Variants in BRCC3 observed in about 807,000 individuals in gnomAD.
BRCC3 encodes the protein lys-63-specific deubiquitinase BRCC36.
Under a neutral mutation model 28.0 loss-of-function variants are expected in BRCC3, and 15 were observed. That is an observed-to-expected ratio of 0.54 (90% CI 0.36 to 0.82). The LOEUF (loss-of-function observed/expected upper bound fraction) is 0.82. BRCC3 is among the 40% of genes least tolerant of loss of function. The probability of loss-of-function intolerance (pLI) is 0.01; values close to 1 mark genes in which losing one functional copy is unlikely to be tolerated. For synonymous variants in BRCC3, 66 were observed against 80.3 expected, an observed-to-expected ratio of 0.82 and a Z score of 0.95; for missense variants, 109 against 225.9, an observed-to-expected ratio of 0.48 and a Z score of 3.32.
At chrX:155,072,297 A>C (rs1472294840) in intron 1 of BRCC3, 30 bp from the exon 2 acceptor site, 2 of 1,180,094 alleles carry the variant, frequency 1.7e-6, no homozygotes, top group East Asian at 3.0e-5. Flanking sequence ...TAATGTGATC[A>C]ATAATGTTTT....
chrX:155,082,373 C>T (rs1431621486), intron 5 of BRCC3, among the ~76,000 whole-genome samples: 2 of 111,888 alleles, frequency 1.8e-5, no homozygotes, highest in African/African-American at 6.5e-5. Context: ...AGTTGGCCTT[C>T]GGTTGAGGTT....
At chrX:155,099,187 T>C (rs923187855) in intron 7 of BRCC3, 1 of 425,765 alleles carries the variant, frequency 2.3e-6, no homozygotes, top group African/African-American at 5.4e-5. Context: ...TTAGAAATGT[T>C]TTTTTTTTTT....
chrX:155,116,324 C>T (rs2074355762), intron 8 of BRCC3, 136 bp downstream of exon 8: 1 of 534,672 alleles, frequency 1.9e-6, no homozygotes, highest in Non-Finnish European at 2.9e-6. Flanking sequence ...CTAGCAGTCT[C>T]CAATCATAAT....
intron 5 of BRCC3, among the ~76,000 whole-genome samples, chrX:155,087,249 C>T (rs976773468): frequency 5.4e-5 from 6 of 111,578 alleles, no homozygotes; most frequent in African/African-American, 2.0e-4. Flanking sequence ...GGAGAAGCTT[C>T]GCCGGCGAGA....
In BRCC3 at chrX:155,116,749, G is replaced by C; in HGVS notation, c.719G>C (p.Gly240Ala). ...GACTCAGTAACCAAGATCCATAATG[G>C]CTCAGGTAAGAATTGTTTCTTGAGT... ...HLDSVTKIHN[G>A]SVFTKNLCSQ... is the part of the protein sequence containing the mutation. Residue 240 changes from glycine to alanine, a missense_variant, in exon 9 of 11, where the codon GGC becomes GCC. Physicochemically the swap from Gly to Ala is moderately conservative, Grantham distance 60 (BLOSUM62 0). Transcript: ENST00000330045. 1 of 1,164,001 alleles carries C rather than the reference G, an allele frequency of 8.6e-7. No individual in the cohort carries two copies. Among genetic ancestry groups the C allele is most frequent in the Non-Finnish European group, 1.2e-6 (1 of 861,106 alleles).
intron 3 of BRCC3, among the ~76,000 whole-genome samples, chrX:155,075,178 C>T (rs369315904): frequency 1.8e-5 from 2 of 112,113 alleles, no homozygotes; most frequent in African/African-American, 6.5e-5. Flanking sequence ...ATACTTGCTG[C>T]ATATCTGAAA....
Position 155,089,306 on chromosome X carries a change from T to C in BRCC3, c.447T>C (p.Phe149=). ...TGTACCAGATGATGGATCAAGGCTT[T>C]GTAGGACTTATTTTTTCCTGTTTCA... ...QAMYQMMDQG[F]VGLIFSCFIE... The change falls in exon 6 of 11, where the codon TTT becomes TTC. Residue 149 remains phenylalanine, a synonymous_variant. Coordinates refer to ENST00000330045, the MANE Select transcript of BRCC3 (RefSeq NM_001018055.3). The C allele has an allele frequency of 5.1e-6, 6 of 1,183,291 alleles. No individual in the cohort carries two copies. The highest frequency in any genetic ancestry group is 6.8e-6 in the Non-Finnish European group (6 of 879,129).
rs1491427215 is a variant in BRCC3, at chrX:155,089,364, CAT to C, written c.492+14_492+15del. ...TAAGAACACAAAGGTATTGTGTGTG[CAT>C]GTGTGTGTGTGTGTGTGTGTGTGTA... On this transcript the variant is annotated intron_variant, in intron 6 of 10. Transcript: ENST00000330045. 135 of 1,016,592 alleles carry C rather than the reference CAT, an allele frequency of 1.3e-4. No homozygotes were observed. Among genetic ancestry groups the C allele is most frequent in the South Asian group, 2.5e-4 (12 of 48,133 alleles). 83.8% of individuals were successfully genotyped at this position (1,016,592 alleles called of 1,213,427 possible). A position where few individuals can be genotyped will look rare whatever the true frequency, so the allele number is the denominator to read the frequency against.
At chrX:155,091,755 A>G (rs1452339725) in intron 7 of BRCC3, among the ~76,000 whole-genome samples, 1 of 110,682 alleles carries the variant, frequency 9.0e-6, no homozygotes, top group Non-Finnish European at 1.9e-5. Context: ...GATTAAATAA[A>G]TTATAATACA....
At chrX:155,086,421 G>C (rs1200078385) in intron 5 of BRCC3, among the ~76,000 whole-genome samples, 1 of 111,817 alleles carries the variant, frequency 8.9e-6, no homozygotes, top group Non-Finnish European at 1.9e-5. Context: ...CGCCCTCTCA[G>C]GTAACTGCAA....
intron 7 of BRCC3, among the ~76,000 whole-genome samples, chrX:155,107,640 G>A (rs902028553): frequency 9.0e-6 from 1 of 110,555 alleles, no homozygotes; most frequent in Non-Finnish European, 1.9e-5. Flanking sequence ...CATTCCTCCT[G>A]GAAACTTAAT....
chrX:155,075,288 T>TGGTTTTGCC lies in BRCC3; in HGVS notation c.195+1857_195+1858insGGTTTTGCC, dbSNP rs1557293364. The stretch of plus-strand genomic sequence containing the variant: ...ACATCTGATAATGCTAAGCCCACTC[T>TGGTTTTGCC]TTCCCCTGGCCCTTCTTGTTCTTCC... On this transcript the variant is annotated intron_variant, in intron 3 of 10. Transcript: ENST00000330045. Among the ~76,000 whole-genome samples the TGGTTTTGCC allele has an allele frequency of 2.5e-3, 274 of 110,661 alleles. 1 individual carries two copies. The highest frequency in any genetic ancestry group is 9.4e-3 in the Middle Eastern group (2 of 213).
Position 155,071,725 on chromosome X carries a change from T to C in BRCC3, c.123+75T>C. 6 of 1,112,012 alleles carry C rather than the reference T, an allele frequency of 5.4e-6. No homozygotes were observed. The South Asian group carries it at 1.2e-4, about 22-fold the overall frequency. The allele number at this position is 1,112,012 out of a possible 1,213,427, so 91.6% of individuals were successfully genotyped here. On this transcript the variant is annotated intron_variant, in intron 1 of 10. Transcript: ENST00000330045. The stretch of plus-strand genomic sequence containing the variant: ...TGTCCCCGGGGTGGGTGCCGGCAGC[T>C]CCCAGGGCTGCGGAGGCCACAGGCA...
rs782368362 is a variant in BRCC3, at chrX:155,075,415, T to C, written c.196-1755T>C. On this transcript the variant is annotated intron_variant, in intron 3 of 10. Transcript: ENST00000330045. ...CATAAATGCTTTATTGATTCCTGCA[T>C]TGATGCTGTTTGAGTCTAAGCTATA... 4.5e-5 allele frequency among the ~76,000 whole-genome samples: 5 copies of C among 111,911 alleles called. No individual in the cohort carries two copies. In the East Asian group the frequency reaches 1.1e-3, roughly 25 times the overall value.
chrX:155,107,608 C>T (rs1246541969), intron 7 of BRCC3, among the ~76,000 whole-genome samples: 2 of 111,332 alleles, frequency 1.8e-5, no homozygotes, highest in Non-Finnish European at 3.8e-5. Context: ...AATTCTCAAC[C>T]CCCAATACCA....
chrX:155,088,352 C>CTT lies in BRCC3; in HGVS notation c.404-894_404-893dup, dbSNP rs781981831. Among the ~76,000 whole-genome samples the CTT allele has an allele frequency of 1.2e-3, 112 of 90,267 alleles. 2 individuals carry two copies. Among genetic ancestry groups the CTT allele is most frequent in the African/African-American group, 3.6e-3 (89 of 24,812 alleles). The allele number at this position is 90,267 out of a possible 115,157, so 78.4% of individuals were successfully genotyped here. A position where few individuals can be genotyped will look rare whatever the true frequency, so the allele number is the denominator to read the frequency against. On this transcript the variant is annotated intron_variant, in intron 5 of 10. Coordinates refer to ENST00000330045, the MANE Select transcript of BRCC3 (RefSeq NM_001018055.3). The stretch of plus-strand genomic sequence containing the variant: ...AATTTAGCCTCTGTTTAGTTTTTGG[C>CTT]TTTTTTTTTTTTTTTTTTGAGACGG...
chrX:155,095,418 A>G (rs1008863800), intron 7 of BRCC3, among the ~76,000 whole-genome samples: 1 of 111,002 alleles, frequency 9.0e-6, no homozygotes, highest in Non-Finnish European at 1.9e-5. Context: ...CTCCTGCCTC[A>G]GCCTCCTGAG....
intron 5 of BRCC3, among the ~76,000 whole-genome samples, chrX:155,087,844 A>T (rs1204899451): frequency 8.9e-6 from 1 of 112,218 alleles, no homozygotes; most frequent in Admixed American, 9.4e-5. Flanking sequence ...TGATGGGCAC[A>T]GTAGTTGTTA....
intron 7 of BRCC3, among the ~76,000 whole-genome samples, chrX:155,108,327 A>G (rs1336479088): frequency 1.8e-5 from 2 of 111,915 alleles, no homozygotes; most frequent in African/African-American, 3.2e-5. Flanking sequence ...TATATGTTCT[A>G]TTGTTAGGCA....
Sources: gnomAD v4.1 joint callset for allele counts (sites outside exome capture counted in the v4.1 genomes callset) on GRCh38, gnomAD v4.1.1 for gene constraint, MANE v1.5 for transcripts, NCBI Gene and HGNC (gene_info 2026-07-23, HGNC 2026-07-21) for gene names.